The following RIOK3 variants were observed in gnomAD, a reference collection of about 807,000 sequenced individuals.
RIOK3 encodes the protein serine/threonine-protein kinase RIO3.
Under a neutral mutation model 63.5 loss-of-function variants are expected in RIOK3, and 40 were observed. The ratio of observed to expected loss-of-function variants is 0.63; its 90% confidence interval spans 0.49 to 0.82. The LOEUF is 0.82. Ranked by LOEUF, RIOK3 falls within the 40% of genes least tolerant of loss-of-function variation. The pLI is 0.00. For synonymous variants in RIOK3, 193 were observed against 205.0 expected (o/e 0.94, Z 0.50); for missense variants, 557 against 637.0 (o/e 0.87, Z 1.35).
chr18:23,469,181 A>G (rs1329093667), intron 7 of RIOK3, among the ~76,000 whole-genome samples: 2 of 152,210 alleles, frequency 1.3e-5, no homozygotes, highest in Non-Finnish European at 2.9e-5. Context: ...CCTTTGCCAC[A>G]TAACCTAACC....
intron 1 of RIOK3, among the ~76,000 whole-genome samples, chr18:23,460,677 T>G (rs983227120): frequency 6.6e-6 from 1 of 152,240 alleles, no homozygotes; most frequent in African/African-American, 2.4e-5. Flanking sequence ...ACCTGCCTTT[T>G]GGAACCTGGA....
intron 11 of RIOK3, among the ~76,000 whole-genome samples, chr18:23,478,794 G>A (rs1165183242): frequency 6.6e-6 from 1 of 151,988 alleles, no homozygotes; most frequent in Non-Finnish European, 1.5e-5. Context: ...TAACCTCTGA[G>A]CCTGCTTGAA....
At chr18:23,479,035 G>T (rs907220498) in intron 11 of RIOK3, 5 of 312,896 alleles carry the variant, frequency 1.6e-5, no homozygotes, top group African/African-American at 4.2e-5. Flanking sequence ...GGAATGTAGT[G>T]GCTCAAGAGA....
rs183211526 is a variant in RIOK3 at position 23,472,794 on chromosome 18, C to T, written c.816-635C>T. On this transcript the variant is annotated intron_variant, in intron 7 of 12. Transcript: ENST00000339486. ...TTTCATTATCTCTCTCCAGCCAAGT[C>T]TTAACTATAGTGTTTGTTGTTCCTC... Among the ~76,000 whole-genome samples the T allele has an allele frequency of 3.1e-3, 465 of 152,328 alleles. 2 individuals are homozygous for T. The highest frequency in any genetic ancestry group is 5.6e-3 in the Admixed American group (86 of 15,292).
At chr18:23,459,908 G>A (rs1006361425) in intron 1 of RIOK3, among the ~76,000 whole-genome samples, 6 of 152,188 alleles carry the variant, frequency 3.9e-5, no homozygotes, top group African/African-American at 1.4e-4. Flanking sequence ...TGACCAGACT[G>A]GTCTCGAACT....
At position 23,463,080 on chromosome 18, in the gene RIOK3, G is replaced by A. The variant is rs373422920; in HGVS notation, c.179+1G>A. On this transcript the variant is annotated splice_donor_variant, in intron 2 of 12. Transcript: ENST00000339486. LOFTEE classifies it high-confidence loss of function. ...AAGCTGCCGTTTTTCCTGAAGTTGC[G>A]TAAGTAAAATTCACAAATACTTTAT... 1.8e-5 allele frequency: 29 copies of A among 1,588,112 alleles called. No individual in the cohort carries two copies. Among genetic ancestry groups the A allele is most frequent in the South Asian group, 3.4e-5 (3 of 88,428 alleles).
At chr18:23,475,193 G>T (rs754205873) in intron 9 of RIOK3, 86 bp downstream of exon 9, 7 of 1,048,730 alleles carry the variant, frequency 6.7e-6, no homozygotes, top group Non-Finnish European at 9.7e-6. Context: ...AAAGAAGCCA[G>T]GCATGTTGGC....
At chr18:23,465,790 G>T (rs1047604392) in intron 5 of RIOK3, among the ~76,000 whole-genome samples, 2 of 152,168 alleles carry the variant, frequency 1.3e-5, no homozygotes, top group Non-Finnish European at 2.9e-5. Context: ...TTACAAAATT[G>T]TATTTCTTTG....
At position 23,463,016 on chromosome 18, in the gene RIOK3, T is replaced by C. The variant is rs2145676016; in HGVS notation, c.116T>C (p.Met39Thr). The part of the protein sequence containing the change: ...NTISCSLADV[M>T]SEQLAKELQL... ...ATATCTTGTTCTTTGGCTGATGTAA[T>C]GAGTGAACAGCTGGCCAAAGAATTG... Residue 39 changes from methionine to threonine, a missense_variant, in exon 2 of 13, where the codon ATG becomes ACG. Met to Thr is a moderately conservative substitution (Grantham distance 81). Transcript: ENST00000339486. 2.5e-6 allele frequency: 4 copies of C among 1,609,642 alleles called. No homozygotes were observed. In the East Asian group the frequency reaches 9.0e-5, roughly 36 times the overall value.
intron 7 of RIOK3, among the ~76,000 whole-genome samples, chr18:23,470,272 A>G (rs764076552): frequency 2.0e-5 from 3 of 151,854 alleles, no homozygotes; most frequent in Non-Finnish European, 4.4e-5. Flanking sequence ...AGGCTGAGGC[A>G]GGAGAATGGC....
chr18:23,480,296 C>T (rs1219904539), intron 12 of RIOK3, among the ~76,000 whole-genome samples: 1 of 152,084 alleles, frequency 6.6e-6, no homozygotes, highest in Non-Finnish European at 1.5e-5. Flanking sequence ...CTGGGCCTAG[C>T]CTAAGGCTAG....
In RIOK3 at chr18:23,471,773, C is replaced by T. The variant is rs901081758; in HGVS notation, c.816-1656C>T. 3.3e-5 allele frequency among the ~76,000 whole-genome samples: 5 copies of T among 151,952 alleles called. No homozygotes were observed. In the East Asian group the frequency reaches 5.8e-4, roughly 18 times the overall value. Reference sequence around the variant, plus strand: ...GGGCTAGAGCAGCTGATGGTGGTACCGTTTGACGAGGTGAGAGCCTGGGGA... The same window carrying T: ...GGGCTAGAGCAGCTGATGGTGGTACTGTTTGACGAGGTGAGAGCCTGGGGA... On this transcript the variant is annotated intron_variant, in intron 7 of 12. Coordinates refer to ENST00000339486, the MANE Select transcript of RIOK3 (RefSeq NM_003831.5).
chr18:23,456,346 A>T (rs982095516), intron 1 of RIOK3: 4 of 152,228 alleles, frequency 2.6e-5, no homozygotes, highest in Non-Finnish European at 5.9e-5. Flanking sequence ...GAGAAATAGA[A>T]AAATTTTAAG....
At chr18:23,470,969 A>G (rs1322890826) in intron 7 of RIOK3, among the ~76,000 whole-genome samples, 1 of 152,206 alleles carries the variant, frequency 6.6e-6, no homozygotes, top group African/African-American at 2.4e-5. Flanking sequence ...CTTTTAAGTT[A>G]TTAGAGATTT....
At chr18:23,470,508 T>C (rs996729828) in intron 7 of RIOK3, among the ~76,000 whole-genome samples, 1 of 152,242 alleles carries the variant, frequency 6.6e-6, no homozygotes, top group Non-Finnish European at 1.5e-5. Context: ...TATTATCTTT[T>C]AAAAGAGACT....
chr18:23,464,002 T>C lies in RIOK3; in HGVS notation c.215T>C (p.Ile72Thr). 2 of 1,611,420 alleles carry C rather than the reference T, an allele frequency of 1.2e-6. No individual in the cohort carries two copies. The highest frequency in any genetic ancestry group is 1.3e-5 in the African/African-American group (1 of 74,876). The change falls in exon 3 of 13, where the codon ATT becomes ACT. Residue 72 changes from isoleucine to threonine, a missense_variant. Coordinates refer to ENST00000339486, the MANE Select transcript of RIOK3 (RefSeq NM_003831.5). Reference sequence around the variant, plus strand: ...GGACCATTTATTACTGGAGAAAACATTGATACTTCCAGTGACCTTATGCTG... The same window carrying C: ...GGACCATTTATTACTGGAGAAAACACTGATACTTCCAGTGACCTTATGCTG... ...AEGPFITGEN[I>T]DTSSDLMLAQ...
At chr18:23,475,201 G>A (rs2057481592) in intron 9 of RIOK3, 94 bp downstream of exon 9, 2 of 968,936 alleles carry the variant, frequency 2.1e-6, no homozygotes, top group Non-Finnish European at 1.5e-6. Flanking sequence ...CAGGCATGTT[G>A]GCTCACACTT....
chr18:23,453,578 C>T (rs2057318080), intron 1 of RIOK3, 76 bp downstream of exon 1: 4 of 1,283,512 alleles, frequency 3.1e-6, no homozygotes, highest in Admixed American at 1.7e-5. Context: ...GAGAGGGCGG[C>T]TTCGTGGGCG....
At chr18:23,467,626 C>T (rs1215195455) in intron 7 of RIOK3, 100 bp downstream of exon 7, 1 of 1,179,818 alleles carries the variant, frequency 8.5e-7, no homozygotes, top group Non-Finnish European at 1.2e-6. Context: ...GCATGGCAAG[C>T]AGAGTAATTT....
Sources: allele counts gnomAD v4.1 joint callset (sites outside exome capture counted in the v4.1 genomes callset), GRCh38; gene constraint gnomAD v4.1.1; transcripts MANE v1.5; gene names NCBI Gene and HGNC (gene_info 2026-07-23, HGNC 2026-07-21).